The following SCN11A variants were observed in gnomAD, a reference collection of about 807,000 sequenced individuals.
The protein encoded by SCN11A is sodium channel protein type 11 subunit alpha.
Under a neutral mutation model 162.2 loss-of-function variants are expected in SCN11A, and 122 were observed. The ratio of observed to expected loss-of-function variants is 0.75; its 90% CI spans 0.65 to 0.87. SCN11A has a LOEUF of 0.87. SCN11A is among the 40% of genes least tolerant of loss of function. The pLI, the probability that SCN11A is intolerant of heterozygous loss-of-function variation, is 0.00. For missense variants in SCN11A, 2,015 were observed against 2,181.6 expected, an observed-to-expected ratio of 0.92 and a Z score of 1.52; for synonymous variants, 758 against 751.5, an observed-to-expected ratio of 1.01 and a Z score of -0.14.
At chr3:38,925,271 A>G (rs1559535591) in intron 9 of SCN11A, 144 bp downstream of exon 9, 1 of 639,184 alleles carries the variant, frequency 1.6e-6, no homozygotes, top group Non-Finnish European at 2.8e-6. Flanking sequence ...TAGGTGCTCA[A>G]TAATTATCAG....
intron 2 of SCN11A, among the ~76,000 whole-genome samples, chr3:38,987,301 T>A (rs145749917): frequency 0.032 from 3,617 of 113,008 alleles, 66 homozygotes; most frequent in South Asian, 0.045. Flanking sequence ...TCTCTCTCTC[T>A]CTCACACACA....
intron 2 of SCN11A, among the ~76,000 whole-genome samples, chr3:38,969,978 C>T (rs73828777): frequency 0.021 from 3,144 of 150,868 alleles, 71 homozygotes; most frequent in African/African-American, 0.057. Context: ...TGAATGCTCC[C>T]TTTTATCTGC....
At chr3:39,010,117 T>C (rs1027852970) in intron 2 of SCN11A, among the ~76,000 whole-genome samples, 3 of 152,030 alleles carry the variant, frequency 2.0e-5, no homozygotes, top group African/African-American at 4.8e-5. Flanking sequence ...TCATCTTCCA[T>C]AGTGAGAAGT....
chr3:39,034,255 T>A (rs1307886991), intron 1 of SCN11A, among the ~76,000 whole-genome samples: 1 of 152,174 alleles, frequency 6.6e-6, no homozygotes, highest in Non-Finnish European at 1.5e-5. Context: ...TCGTTCATTA[T>A]GACCAAGTGG....
In SCN11A at chr3:38,926,788, C is replaced by G. The variant is rs772527963; in HGVS notation, c.617+15G>C. 1 of 1,610,740 alleles carries G rather than the reference C, an allele frequency of 6.2e-7. No individual in the cohort carries two copies. The highest frequency in any genetic ancestry group is 8.5e-7 in the Non-Finnish European group (1 of 1,178,884). ...CCACTCCAAGTCTCTTCAAAAACAT[C>G]TTTAATATTCTTACGCTATTCCAAT... On this transcript the variant is annotated intron_variant, in intron 8 of 29. Coordinates refer to ENST00000302328, the MANE Select transcript of SCN11A (RefSeq NM_001349253.2).
Position 38,896,890 on chromosome 3 carries a change from C to A in SCN11A, c.2358G>T (p.Leu786Phe). ...CMQEANASSS[L>F]CVIVFILITV... Reference sequence around the variant, plus strand: ...TGATCAATATGAAGACAATAACACACAATGATGATGATGCATTCGCTTCTT... The same window carrying A: ...TGATCAATATGAAGACAATAACACAAAATGATGATGATGCATTCGCTTCTT... Residue 786 changes from leucine (L) to phenylalanine (F), a missense_variant, in exon 18 of 30, where the codon TTG becomes TTT. Physicochemically the swap from Leu to Phe is conservative, Grantham distance 22. Coordinates refer to ENST00000302328, the MANE Select transcript of SCN11A (RefSeq NM_001349253.2). 1 of 1,610,618 alleles carries A rather than the reference C, an allele frequency of 6.2e-7. No individual in the cohort carries two copies. The highest frequency in any genetic ancestry group is 8.5e-7 in the Non-Finnish European group (1 of 1,178,740).
chr3:38,907,824 T>C (rs2065823024), intron 14 of SCN11A, 125 bp downstream of exon 14: 1 of 793,028 alleles, frequency 1.3e-6, no homozygotes, highest in Non-Finnish European at 2.0e-6. Flanking sequence ...TGCATGAAAG[T>C]ATGTGCAAAT....
At chr3:38,997,072 G>A (rs1475931902) in intron 2 of SCN11A, among the ~76,000 whole-genome samples, 2 of 151,746 alleles carry the variant, frequency 1.3e-5, no homozygotes. Context: ...TATTCTCAAC[G>A]TAGCAGTCCA....
At chr3:39,050,926 A>G (rs537173080) in intron 1 of SCN11A, among the ~76,000 whole-genome samples, 3 of 152,194 alleles carry the variant, frequency 2.0e-5, no homozygotes, top group Non-Finnish European at 4.4e-5. Flanking sequence ...TATATCCCAC[A>G]GTGTAGTTCT....
At chr3:39,048,768 A>G (rs1045216141) in intron 1 of SCN11A, among the ~76,000 whole-genome samples, 3 of 152,230 alleles carry the variant, frequency 2.0e-5, no homozygotes, top group Non-Finnish European at 4.4e-5. Flanking sequence ...GTTTAGAAAA[A>G]GCATTATAGC....
intron 2 of SCN11A, among the ~76,000 whole-genome samples, chr3:38,988,224 T>A (rs1414632984): frequency 6.6e-6 from 1 of 152,102 alleles, no homozygotes; most frequent in Non-Finnish European, 1.5e-5. Flanking sequence ...ATGCCTGCCC[T>A]TAACATCCTT....
intron 3 of SCN11A, among the ~76,000 whole-genome samples, chr3:38,955,646 T>C (rs1437279688): frequency 6.6e-6 from 1 of 152,218 alleles, no homozygotes; most frequent in Admixed American, 6.5e-5. Flanking sequence ...AGAAAATAGA[T>C]TGCATTGCTA....
rs565521401 is a variant in SCN11A, at chr3:38,945,736, T to G, written c.387-224A>C. Among the ~76,000 whole-genome samples, 3 of 152,348 alleles carry G rather than the reference T, an allele frequency of 2.0e-5. No homozygotes were observed. The East Asian group carries it at 5.8e-4, about 29-fold the overall frequency. ...GGAGAGCTACACACCCCCTTCTACA[T>G]GTCTGACTGACTTAGGCCCTTGCTT... is the stretch of plus-strand genomic sequence containing the variant. On this transcript the variant is annotated intron_variant, in intron 6 of 29. Transcript: ENST00000302328.
chr3:38,878,747 T>C (rs1199337375), intron 23 of SCN11A, among the ~76,000 whole-genome samples: 3 of 152,152 alleles, frequency 2.0e-5, no homozygotes, highest in Non-Finnish European at 4.4e-5. Flanking sequence ...GTAGATGTCA[T>C]GTAATACTGA....
chr3:39,007,392 A>G (rs1433133057), intron 2 of SCN11A, among the ~76,000 whole-genome samples: 1 of 152,112 alleles, frequency 6.6e-6, no homozygotes. Flanking sequence ...AAGAGCCTCT[A>G]TGACCCTTGG....
intron 7 of SCN11A, among the ~76,000 whole-genome samples, chr3:38,936,619 C>T (rs1478279462): frequency 1.3e-5 from 2 of 150,792 alleles, no homozygotes; most frequent in Non-Finnish European, 3.0e-5. Context: ...CTCCCATTCA[C>T]AATTGCTTCA....
intron 1 of SCN11A, among the ~76,000 whole-genome samples, chr3:39,051,189 AC>A (rs1486746845): frequency 6.6e-6 from 1 of 151,516 alleles, no homozygotes. Flanking sequence ...AACTTGTGTC[AC>A]GGGTGTTTGT....
At chr3:38,918,881 G>A (rs1296092671) in intron 11 of SCN11A, among the ~76,000 whole-genome samples, 1 of 152,118 alleles carries the variant, frequency 6.6e-6, no homozygotes, top group Admixed American at 6.6e-5. Context: ...CTCAACAGCA[G>A]GAATACATTC....
At position 38,899,832 on chromosome 3, in the gene SCN11A, C is replaced by T. The variant is rs185708665; in HGVS notation, c.2022+62G>A. 451 of 1,419,892 alleles carry T rather than the reference C, an allele frequency of 3.2e-4. No individual in the cohort carries two copies. The African/African-American group carries it at 5.2e-3, about 16-fold the overall frequency. 88.0% of individuals were successfully genotyped at this position (1,419,892 alleles called of 1,614,324 possible). On this transcript the variant is annotated intron_variant, in intron 17 of 29. Transcript: ENST00000302328. ...TAGTACAAGATAACCACTGAACTCA[C>T]TCAAAACGTTTTTTCCACTTAGGCA...
Sources: gnomAD v4.1 joint callset for allele counts (sites outside exome capture counted in the v4.1 genomes callset) on GRCh38, gnomAD v4.1.1 for gene constraint, MANE v1.5 for transcripts, NCBI Gene and HGNC (gene_info 2026-07-23, HGNC 2026-07-21) for gene names.